The following RGS6 variants were observed in gnomAD, a reference collection of about 807,000 sequenced individuals.
RGS6 encodes regulator of G protein signaling 6.
In RGS6, 30 loss-of-function variants were observed where a neutral mutation model predicts 78.5. That is an observed-to-expected ratio of 0.38 (90% CI 0.29 to 0.52). The LOEUF (loss-of-function observed/expected upper bound fraction) is 0.52. Among genes scored for constraint, RGS6 ranks in the 20% least tolerant of loss-of-function variants. The pLI, the probability that RGS6 is intolerant of heterozygous loss-of-function variation, is 0.85. For missense variants in RGS6, 495 were observed against 609.7 expected, an observed-to-expected ratio of 0.81 and a Z score of 1.98; for synonymous variants, 206 against 206.0, an observed-to-expected ratio of 1.00 and a Z score of 0.00.
At chr14:71,992,798 C>G (rs140287871) in intron 2 of RGS6, among the ~76,000 whole-genome samples, 1 of 152,330 alleles carries the variant, frequency 6.6e-6, no homozygotes, top group Non-Finnish European at 1.5e-5. Flanking sequence ...GGCTGTGTTT[C>G]TACACCCTTG....
chr14:72,107,276 T>C (rs1342441504), intron 2 of RGS6, among the ~76,000 whole-genome samples: 1 of 152,088 alleles, frequency 6.6e-6, no homozygotes, highest in East Asian at 1.9e-4. Context: ...GGTTTAAACG[T>C]AGTGGAAGAG....
intron 2 of RGS6, among the ~76,000 whole-genome samples, chr14:72,154,686 G>A (rs1188830898): frequency 1.3e-5 from 2 of 152,212 alleles, no homozygotes; most frequent in Admixed American, 6.5e-5. Flanking sequence ...TTTCCAAATC[G>A]TCTCTTTCTA....
At chr14:71,999,473 A>G (rs1184931903) in intron 2 of RGS6, among the ~76,000 whole-genome samples, 1 of 152,244 alleles carries the variant, frequency 6.6e-6, no homozygotes, top group Non-Finnish European at 1.5e-5. Flanking sequence ...AGAAAGGTAT[A>G]ACTCTAACAG....
intron 2 of RGS6, among the ~76,000 whole-genome samples, chr14:72,162,460 G>A (rs1395749349): frequency 6.6e-6 from 1 of 152,154 alleles, no homozygotes; most frequent in African/African-American, 2.4e-5. Context: ...CTCTGACAAG[G>A]ATGATGGGGT....
intron 2 of RGS6, among the ~76,000 whole-genome samples, chr14:71,991,751 T>G (rs185002173): frequency 1.3e-5 from 2 of 152,324 alleles, no homozygotes; most frequent in East Asian, 3.9e-4. Flanking sequence ...CATAATAGAT[T>G]GAGAATATTT....
chr14:72,450,372 A>G (rs2095464004), intron 3 of RGS6, among the ~76,000 whole-genome samples: 1 of 152,214 alleles, frequency 6.6e-6, no homozygotes, highest in Non-Finnish European at 1.5e-5. Flanking sequence ...ATTGAAATAC[A>G]TATAACACAT....
intron 17 of RGS6, 176 bp downstream of exon 17, chr14:72,540,270 G>C: frequency 6.5e-7 from 1 of 1,530,102 alleles, no homozygotes; most frequent in Non-Finnish European, 8.7e-7. Flanking sequence ...TTCTCTTCTA[G>C]GGATGAAAAT....
chr14:72,203,412 C>T (rs2042015401), intron 2 of RGS6, among the ~76,000 whole-genome samples: 1 of 152,154 alleles, frequency 6.6e-6, no homozygotes, highest in South Asian at 2.1e-4. Context: ...AATTTAGTGG[C>T]TTAAGTTATT....
chr14:72,150,226 G>A (rs2096663926), intron 2 of RGS6, among the ~76,000 whole-genome samples: 1 of 152,172 alleles, frequency 6.6e-6, no homozygotes, highest in Admixed American at 6.5e-5. Flanking sequence ...ATGGGGAGAT[G>A]CAGAAGCTGA....
intron 2 of RGS6, among the ~76,000 whole-genome samples, chr14:72,105,027 C>T (rs2095605102): frequency 6.6e-6 from 1 of 152,166 alleles, no homozygotes; most frequent in South Asian, 2.1e-4. Flanking sequence ...CTAGTCACTG[C>T]ACTAAAACAT....
At chr14:72,491,711 C>T (rs150075027) in intron 12 of RGS6, among the ~76,000 whole-genome samples, 1 of 152,182 alleles carries the variant, frequency 6.6e-6, no homozygotes, top group East Asian at 1.9e-4. Context: ...AAAGAAAGTG[C>T]ATAGGGACAG....
intron 13 of RGS6, among the ~76,000 whole-genome samples, chr14:72,499,669 T>G (rs2096694848): frequency 1.3e-5 from 2 of 152,050 alleles, no homozygotes; most frequent in African/African-American, 4.8e-5. Context: ...TTTTGTTGTT[T>G]GTTTGTTGTT....
intron 2 of RGS6, among the ~76,000 whole-genome samples, chr14:72,291,938 C>T (rs1247967090): frequency 6.6e-6 from 1 of 152,158 alleles, no homozygotes; most frequent in Non-Finnish European, 1.5e-5. Flanking sequence ...CCATTATTAA[C>T]CCTGAAATAG....
chr14:72,372,695 C>T (rs1420815668), intron 3 of RGS6, among the ~76,000 whole-genome samples: 1 of 152,128 alleles, frequency 6.6e-6, no homozygotes, highest in African/African-American at 2.4e-5. Flanking sequence ...TAAATTTTTC[C>T]TCCCACTAAG....
chr14:72,576,046 C>A, the RGS6 span, among the ~76,000 whole-genome samples: 8 of 152,344 alleles, frequency 5.3e-5, no homozygotes, highest in East Asian at 1.5e-3. Flanking sequence ...GAGGCTGCAG[C>A]CATTTGGTTT....
intron 2 of RGS6, among the ~76,000 whole-genome samples, chr14:72,169,676 A>T (rs771831775): frequency 6.6e-6 from 1 of 152,200 alleles, no homozygotes; most frequent in African/African-American, 2.4e-5. Flanking sequence ...TAGCTGGCCT[A>T]CATTTCCCAG....
chr14:72,113,830 G>A (rs1164556380), intron 2 of RGS6, among the ~76,000 whole-genome samples: 1 of 152,204 alleles, frequency 6.6e-6, no homozygotes, highest in Admixed American at 6.5e-5. Flanking sequence ...CCAAAGTCAA[G>A]GGGTAGGGAA....
rs527947517 is a variant in RGS6, at chr14:72,187,112, C to T, written c.85-164983C>T. Among the ~76,000 whole-genome samples, 9 of 152,220 alleles carry T rather than the reference C, an allele frequency of 5.9e-5. No individual in the cohort carries two copies. In the South Asian group the frequency reaches 6.2e-4, roughly 11 times the overall value. ...TTAAAGGGCTTAGAAAATGTAAAGC[C>T]ATTATTGTTGGTTATTCAAATATCC... On this transcript the variant is annotated intron_variant, in intron 2 of 17. Transcript: ENST00000553525.
In RGS6 at chr14:72,250,399, G is replaced by GAA. The variant is rs58591258; in HGVS notation, c.85-101683_85-101682dup. Among the ~76,000 whole-genome samples the GAA allele has an allele frequency of 6.6e-4, 75 of 114,274 alleles. 1 individual carries two copies. The highest frequency in any genetic ancestry group is 1.9e-3 in the East Asian group (8 of 4,170). The allele number at this position is 114,274 out of a possible 152,430, so 75.0% of individuals were successfully genotyped here. A position where few individuals can be genotyped will look rare whatever the true frequency, so the allele number is the denominator to read the frequency against. On this transcript the variant is annotated intron_variant, in intron 2 of 17. Transcript: ENST00000553525. The stretch of plus-strand genomic sequence containing the variant: ...CTTGGCTTTTACATGTAAATACACC[G>GAA]AAAAAAAAAAAAAACCCCAAGGGAT...
Sources: allele counts gnomAD v4.1 joint callset (sites outside exome capture counted in the v4.1 genomes callset), GRCh38; gene constraint gnomAD v4.1.1; transcripts MANE v1.5; gene names NCBI Gene and HGNC (gene_info 2026-07-23, HGNC 2026-07-21).